Variants in SLC4A5 observed in about 807,000 individuals in gnomAD.
SLC4A5 encodes the protein solute carrier family 4 member 5, also known as electrogenic sodium bicarbonate cotransporter 4.
Under a neutral mutation model 120.4 loss-of-function variants are expected in SLC4A5, and 96 were observed. The ratio of observed to expected loss-of-function variants is 0.80; its 90% CI spans 0.68 to 0.94. The LOEUF is 0.94. SLC4A5 is among the 40% of genes least tolerant of loss of function. The pLI is 0.00. For missense variants in SLC4A5, 1,259 were observed against 1,459.5 expected (o/e 0.86, Z 2.24); for synonymous variants, 550 against 571.1 (o/e 0.96, Z 0.53).
At chr2:74,279,310 G>A (rs974996049) in intron 8 of SLC4A5, among the ~76,000 whole-genome samples, 3 of 152,158 alleles carry the variant, frequency 2.0e-5, no homozygotes, top group African/African-American at 7.2e-5. Context: ...TGCGGGAGTA[G>A]GTCCATCCTG....
chr2:74,231,847 G>A (rs1670098824), intron 24 of SLC4A5, among the ~76,000 whole-genome samples: 1 of 152,214 alleles, frequency 6.6e-6, no homozygotes, highest in Non-Finnish European at 1.5e-5. Flanking sequence ...GCCTCATTCG[G>A]GCAGGCTGGG....
chr2:74,232,812 C>A (rs998521203), intron 23 of SLC4A5, among the ~76,000 whole-genome samples, 165 bp from the exon 24 acceptor site: 3 of 152,188 alleles, frequency 2.0e-5, no homozygotes, highest in Non-Finnish European at 2.9e-5. Context: ...TGTCCTGCCA[C>A]CCCATCTGAA....
chr2:74,302,645 C>A (rs994046616), intron 7 of SLC4A5, among the ~76,000 whole-genome samples: 3 of 152,202 alleles, frequency 2.0e-5, no homozygotes, highest in Admixed American at 1.3e-4. Flanking sequence ...AAGCGTTCTA[C>A]ATTCTTTTTC....
chr2:74,249,632 C>T (rs1330656714), intron 17 of SLC4A5, among the ~76,000 whole-genome samples: 4 of 152,026 alleles, frequency 2.6e-5, no homozygotes, highest in East Asian at 1.9e-4. Context: ...GGGTGAACCA[C>T]GGTATCACCT....
intron 2 of SLC4A5, among the ~76,000 whole-genome samples, chr2:74,340,740 A>G (rs1350459506): frequency 1.3e-5 from 2 of 152,126 alleles, no homozygotes; most frequent in African/African-American, 4.8e-5. Flanking sequence ...CCAGGCAACA[A>G]CCCTGACGGG....
chr2:74,289,124 A>G (rs1672078641), intron 7 of SLC4A5, among the ~76,000 whole-genome samples: 1 of 152,124 alleles, frequency 6.6e-6, no homozygotes, highest in Non-Finnish European at 1.5e-5. Context: ...TTCCCTATGT[A>G]GCAGTAGAGT....
intron 7 of SLC4A5, among the ~76,000 whole-genome samples, chr2:74,293,572 G>C (rs2104211562): frequency 6.6e-6 from 1 of 152,314 alleles, no homozygotes; most frequent in Middle Eastern, 3.4e-3. Flanking sequence ...GGGCTGCAAA[G>C]AGAGGAAGCA....
intron 7 of SLC4A5, among the ~76,000 whole-genome samples, chr2:74,299,511 C>T (rs1248033018): frequency 6.6e-6 from 1 of 152,180 alleles, no homozygotes; most frequent in Non-Finnish European, 1.5e-5. Context: ...GTGAGTCCAT[C>T]AAGCCTCTTT....
At chr2:74,247,990 C>G (rs558990326) in intron 18 of SLC4A5, among the ~76,000 whole-genome samples, 1 of 152,238 alleles carries the variant, frequency 6.6e-6, no homozygotes, top group Non-Finnish European at 1.5e-5. Context: ...GTAGAGGAGG[C>G]AACTGAGCCT....
At chr2:74,278,521 T>C (rs532588161) in intron 8 of SLC4A5, among the ~76,000 whole-genome samples, 11 of 152,300 alleles carry the variant, frequency 7.2e-5, no homozygotes, top group Non-Finnish European at 1.2e-4. Flanking sequence ...GCCCCTAGCA[T>C]AGCCCTCATT....
intron 27 of SLC4A5, 65 bp from the exon 28 acceptor site, chr2:74,225,060 C>G (rs775751231): frequency 1.5e-5 from 23 of 1,515,008 alleles, no homozygotes; most frequent in Admixed American, 4.1e-5. Context: ...AATGCCCAAA[C>G]TCAGGCATAG....
At chr2:74,226,428 C>T (rs939627958) in intron 27 of SLC4A5, among the ~76,000 whole-genome samples, 2 of 152,138 alleles carry the variant, frequency 1.3e-5, no homozygotes, top group Non-Finnish European at 2.9e-5. Context: ...CAAACTTATA[C>T]AATATTTGCA....
rs200279230 is a variant in SLC4A5, at chr2:74,247,031, G to A, written c.2059+5C>T. 774 of 1,613,180 alleles carry A rather than the reference G, an allele frequency of 4.8e-4. No individual in the cohort carries two copies. The highest frequency in any genetic ancestry group is 6.2e-4 in the Non-Finnish European group (728 of 1,179,294). On this transcript the variant is annotated splice_donor_5th_base_variant and intron_variant, in intron 19 of 30. Transcript: ENST00000394019. ...GCCCACGGCATGTCTGGGGTTACCG[G>A]TCACCTGTGTCAGGGGCGACACACT...
chr2:74,282,875 CCTCT>C (rs1671857360), intron 8 of SLC4A5, among the ~76,000 whole-genome samples: 1 of 152,208 alleles, frequency 6.6e-6, no homozygotes, highest in Non-Finnish European at 1.5e-5. Flanking sequence ...CAGATTTCCT[CCTCT>C]CTATTTGCTC....
At chr2:74,227,624 G>C in intron 26 of SLC4A5, 186 bp downstream of exon 26, 1 of 1,349,462 alleles carries the variant, frequency 7.4e-7, no homozygotes, top group Non-Finnish European at 1.0e-6. Flanking sequence ...GGCCTATGAA[G>C]TGCCTAACAT....
intron 7 of SLC4A5, among the ~76,000 whole-genome samples, chr2:74,292,222 T>C (rs530269952): frequency 9.2e-4 from 140 of 152,310 alleles, no homozygotes; most frequent in Non-Finnish European, 1.6e-3. Flanking sequence ...ATTGCTATTA[T>C]TGTTGATGCC....
chr2:74,235,511 G>A (rs1670241547), intron 21 of SLC4A5, among the ~76,000 whole-genome samples: 1 of 152,172 alleles, frequency 6.6e-6, no homozygotes, highest in South Asian at 2.1e-4. Flanking sequence ...GGTCAATGTG[G>A]GATCTGTTAT....
At chr2:74,238,007 C>T (rs1670322249) in intron 21 of SLC4A5, among the ~76,000 whole-genome samples, 1 of 152,064 alleles carries the variant, frequency 6.6e-6, no homozygotes, top group African/African-American at 2.4e-5. Flanking sequence ...GAGGCTGAGG[C>T]AGGAGAATCA....
At position 74,255,130 on chromosome 2, in the gene SLC4A5, C is replaced by CT. The variant is rs1349832152; in HGVS notation, c.1026-425dup. On this transcript the variant is annotated intron_variant, in intron 13 of 30. Transcript: ENST00000394019. The surrounding 1 kb of genome is among the most constrained non-coding windows in gnomAD (Gnocchi z 4.0). ...GCCACTGCGCTGGGCCCATTCTTAACTTTTTTACTTCCCTCCATGGAACCC... is the reference window on the plus strand; with the variant it reads ...GCCACTGCGCTGGGCCCATTCTTAACTTTTTTTACTTCCCTCCATGGAACCC... 6.6e-6 allele frequency among the ~76,000 whole-genome samples: 1 copy of CT among 151,940 alleles called. No individual in the cohort carries two copies. Among genetic ancestry groups the CT allele is most frequent in the African/African-American group, 2.4e-5 (1 of 41,362 alleles).
Sources: allele counts gnomAD v4.1 joint callset (sites outside exome capture counted in the v4.1 genomes callset), GRCh38; gene constraint gnomAD v4.1.1; non-coding constraint Gnocchi (gnomAD v3.1); transcripts MANE v1.5; gene names NCBI Gene and HGNC (gene_info 2026-07-23, HGNC 2026-07-21).